The following SNW1 variants were observed in gnomAD, a reference collection of about 807,000 sequenced individuals.
SNW1 encodes the protein SNW domain containing 1.
In SNW1, 9 loss-of-function variants were observed where a neutral mutation model predicts 75.6. The observed-to-expected ratio is 0.12, with a 90% CI of 0.07 to 0.21. The LOEUF is 0.21. Ranked by LOEUF, SNW1 falls within the 10% of genes least tolerant of loss-of-function variation. The pLI, the probability that SNW1 is intolerant of heterozygous loss-of-function variation, is 1.00. For missense variants in SNW1, 409 were observed against 670.9 expected, an observed-to-expected ratio of 0.61 and a Z score of 4.31; for synonymous variants, 200 against 219.1, an observed-to-expected ratio of 0.91 and a Z score of 0.77.
rs145129874 is a variant in SNW1, at chr14:77,738,836, C to T, written c.475G>A (p.Val159Ile). Residue 159 changes from valine to isoleucine, a missense_variant, in exon 5 of 14, where the codon GTC (valine) becomes ATC (isoleucine). Transcript: ENST00000261531. Reference sequence around the variant, plus strand: ...GCTCGAACTGGCATGGCTGCGGCGACCTTCTGTGATACAGATTTTTCTAAG... The same window carrying T: ...GCTCGAACTGGCATGGCTGCGGCGATCTTCTGTGATACAGATTTTTCTAAG... ...VALEKSVSQKVAAAMPVRAAD... is the reference protein window; with the variant it reads ...VALEKSVSQKIAAAMPVRAAD... 7.4e-6 allele frequency: 12 copies of T among 1,614,064 alleles called. No homozygotes were observed. In the African/African-American group the frequency reaches 1.5e-4, roughly 20 times the overall value.
intron 11 of SNW1, chr14:77,722,695 GTAGT>G (rs2080551394): frequency 5.5e-6 from 2 of 360,532 alleles, no homozygotes; most frequent in Non-Finnish European, 1.1e-5. Flanking sequence ...CTAAGACAAA[GTAGT>G]TAAGTACAAG....
At chr14:77,724,545 T>C (rs1386318478) in intron 10 of SNW1, among the ~76,000 whole-genome samples, 2 of 152,226 alleles carry the variant, frequency 1.3e-5, no homozygotes, top group Non-Finnish European at 1.5e-5. Context: ...GTAACCACCA[T>C]TCTACTCTCT....
At chr14:77,742,034 C>T (rs1434598083) in intron 3 of SNW1, among the ~76,000 whole-genome samples, 1 of 150,598 alleles carries the variant, frequency 6.6e-6, no homozygotes, top group African/African-American at 2.4e-5. Context: ...TAAAACCCCC[C>T]ATTTTTTTTT....
chr14:77,737,089 A>AT lies in SNW1; in HGVS notation c.534-15dup. On this transcript the variant is annotated splice_polypyrimidine_tract_variant and intron_variant, in intron 5 of 13. Coordinates refer to ENST00000261531, the MANE Select transcript of SNW1 (RefSeq NM_012245.3). Reference sequence around the variant, plus strand: ...GATGGTGTGTATCTGAAGAAAGCAGATAAAAACTAAAGGTGTAATTAGTTC... The same window carrying AT: ...GATGGTGTGTATCTGAAGAAAGCAGATTAAAAACTAAAGGTGTAATTAGTTC... The AT allele has an allele frequency of 1.3e-6, 2 of 1,586,074 alleles. No homozygotes were observed. The highest frequency in any genetic ancestry group is 1.7e-6 in the Non-Finnish European group (2 of 1,155,118).
intron 3 of SNW1, among the ~76,000 whole-genome samples, chr14:77,741,772 T>C (rs2080721076): frequency 6.6e-6 from 1 of 152,164 alleles, no homozygotes; most frequent in Non-Finnish European, 1.5e-5. Flanking sequence ...GAAGAGTTAA[T>C]CATGAGGAGT....
At chr14:77,753,631 AGTTGGGT>A (rs1166720672) in intron 2 of SNW1, among the ~76,000 whole-genome samples, 1 of 152,166 alleles carries the variant, frequency 6.6e-6, no homozygotes, top group Non-Finnish European at 1.5e-5. Context: ...GATATGATCT[AGTTGGGT>A]GTTCCTCTTA....
chr14:77,751,368 C>G lies in SNW1; in HGVS notation c.281G>C (p.Gly94Ala). ...AGCAATTGCATCATATTTAATTTTT[C>G]CTTCAGAATCCACCTGAATGGCCAG... ...NALAIQVDSE[G>A]KIKYDAIARQ... is the part of the protein sequence containing the mutation. The change falls in exon 3 of 14, where the codon GGA becomes GCA. Residue 94 changes from glycine (G) to alanine (A), a missense_variant. This residue lies in a region of SNW1 where 60 missense variants were observed against 62.6 expected (regional missense o/e 0.96). Coordinates refer to ENST00000261531, the MANE Select transcript of SNW1 (RefSeq NM_012245.3). 6.2e-7 allele frequency: 1 copy of G among 1,613,710 alleles called. No individual in the cohort carries two copies. The highest frequency in any genetic ancestry group is 2.2e-5 in the East Asian group (1 of 44,848).
chr14:77,740,774 C>T (rs981127801), intron 3 of SNW1, among the ~76,000 whole-genome samples: 2 of 152,210 alleles, frequency 1.3e-5, no homozygotes, highest in South Asian at 4.1e-4. Flanking sequence ...ATCTACTTTA[C>T]ATGGTTATTA....
intron 9 of SNW1, 119 bp from the exon 10 acceptor site, chr14:77,731,248 T>C: frequency 9.0e-7 from 1 of 1,105,772 alleles, no homozygotes; most frequent in East Asian, 2.5e-5. Context: ...GATTTGTTAT[T>C]GCTAATTAAA....
chr14:77,743,335 T>C (rs920182247), intron 3 of SNW1, among the ~76,000 whole-genome samples: 6 of 152,184 alleles, frequency 3.9e-5, no homozygotes, highest in African/African-American at 1.4e-4. Context: ...GTATGACTAA[T>C]AAGTCGTATA....
At chr14:77,751,073 T>C (rs1378687785) in intron 3 of SNW1, among the ~76,000 whole-genome samples, 1 of 152,154 alleles carries the variant, frequency 6.6e-6, no homozygotes, top group African/African-American at 2.4e-5. Context: ...TGTACTTTTT[T>C]CCCCCTTTAA....
chr14:77,739,114 CCTCATTA>C, intron 3 of SNW1, 53 bp from the exon 4 acceptor site: 1 of 1,293,900 alleles, frequency 7.7e-7, no homozygotes, highest in Non-Finnish European at 1.1e-6. Context: ...CGAAAAGAAA[CCTCATTA>C]GCCATTTCAG....
intron 3 of SNW1, 55 bp from the exon 4 acceptor site, chr14:77,739,116 T>G: frequency 3.1e-6 from 4 of 1,280,892 alleles, no homozygotes. Context: ...AAAAGAAACC[T>G]CATTAGCCAT....
At chr14:77,741,344 C>T (rs2139916484) in intron 3 of SNW1, among the ~76,000 whole-genome samples, 1 of 152,142 alleles carries the variant, frequency 6.6e-6, no homozygotes, top group South Asian at 2.1e-4. Context: ...CAAGACCTAT[C>T]TCTATTTTAA....
intron 10 of SNW1, among the ~76,000 whole-genome samples, chr14:77,729,025 A>G (rs2080608123): frequency 6.6e-6 from 1 of 152,222 alleles, no homozygotes; most frequent in African/African-American, 2.4e-5. Context: ...GTATACAACC[A>G]GGCAGGTATT....
intron 3 of SNW1, among the ~76,000 whole-genome samples, chr14:77,751,067 C>CT (rs1438398939): frequency 2.0e-5 from 3 of 151,990 alleles, no homozygotes; most frequent in African/African-American, 4.8e-5. Context: ...TTAAAATGTA[C>CT]TTTTTTCCCC....
rs185699599 is a variant in SNW1 at position 77,727,050 on chromosome 14, T to C, written c.1034-3773A>G. ...CTGTCTCTGACAAAGTATAATTTGA[T>C]GTCTTGTTTTTTTTTGTTTTTGAGA... On this transcript the variant is annotated intron_variant, in intron 10 of 13. Transcript: ENST00000261531. Among the ~76,000 whole-genome samples the C allele has an allele frequency of 3.4e-5, 5 of 147,766 alleles. No individual in the cohort carries two copies. In the East Asian group the frequency reaches 9.7e-4, roughly 29 times the overall value.
chr14:77,718,144 C>T lies in SNW1; in HGVS notation c.1555G>A (p.Asp519Asn). Residue 519 changes from aspartate to asparagine, a missense_variant, in exon 14 of 14, where the codon GAT becomes AAT. Physicochemically the swap from Asp to Asn is conservative, Grantham distance 23 (BLOSUM62 1). Around this residue, in one of 9 missense-constraint regions of SNW1, gnomAD observed 24 missense variants for 31.0 expected, o/e 0.77. Coordinates refer to ENST00000261531, the MANE Select transcript of SNW1 (RefSeq NM_012245.3). Reference protein sequence around the residue: ...KQHGGSKRPSDSSRPKEHEHE... With the variant: ...KQHGGSKRPSNSSRPKEHEHE... ...TCGTGTTCCTTGGGGCGGCTGCTATCTGAGGGTCTTTTAGAGCCACCATGC... is the reference window on the plus strand; with the variant it reads ...TCGTGTTCCTTGGGGCGGCTGCTATTTGAGGGTCTTTTAGAGCCACCATGC... 1 of 1,612,314 alleles carries T rather than the reference C, an allele frequency of 6.2e-7. No individual in the cohort carries two copies. The highest frequency in any genetic ancestry group is 8.5e-7 in the Non-Finnish European group (1 of 1,179,314).
chr14:77,742,578 T>C (rs2080727123), intron 3 of SNW1, among the ~76,000 whole-genome samples: 1 of 152,066 alleles, frequency 6.6e-6, no homozygotes, highest in Non-Finnish European at 1.5e-5. Flanking sequence ...ATTCACTATG[T>C]GAGGTAGAAA....
Sources: gnomAD v4.1 joint callset for allele counts (sites outside exome capture counted in the v4.1 genomes callset) on GRCh38, gnomAD v4.1.1 for gene constraint, gnomAD v4.1.1 regional missense constraint, MANE v1.5 for transcripts, NCBI Gene and HGNC (gene_info 2026-07-23, HGNC 2026-07-21) for gene names.